RNF157: variants seen among roughly 807,000 people sequenced by gnomAD.
RNF157 encodes ring finger protein 157, also known as E3 ubiquitin ligase RNF157.
Under a neutral mutation model 88.3 loss-of-function variants are expected in RNF157, and 55 were observed. That is an observed-to-expected ratio of 0.62 (90% CI 0.50 to 0.78). The LOEUF is 0.78. RNF157 is among the 30% of genes least tolerant of loss of function. The probability of loss-of-function intolerance (pLI) is 0.00; values close to 1 mark genes in which losing one functional copy is unlikely to be tolerated. For missense variants in RNF157, 788 were observed against 860.8 expected (o/e 0.92, Z 1.06); for synonymous variants, 334 against 341.2 (o/e 0.98, Z 0.23).
At chr17:76,228,741 G>C (rs1460908801) in intron 1 of RNF157, among the ~76,000 whole-genome samples, 1 of 151,768 alleles carries the variant, frequency 6.6e-6, no homozygotes, top group Non-Finnish European at 1.5e-5. Context: ...TGGCCAACAT[G>C]GTGAAACCCC....
At chr17:76,234,488 A>G (rs2070248446) in intron 1 of RNF157, among the ~76,000 whole-genome samples, 1 of 152,190 alleles carries the variant, frequency 6.6e-6, no homozygotes, top group Admixed American at 6.6e-5. Flanking sequence ...TCACACCGGC[A>G]GGGTATGAGG....
In RNF157 at chr17:76,152,093, T is replaced by G. The variant is rs529717170; in HGVS notation, c.1921+262A>C. Among the ~76,000 whole-genome samples the G allele has an allele frequency of 2.6e-5, 4 of 151,750 alleles. No individual in the cohort carries two copies. The South Asian group carries it at 8.3e-4, about 32-fold the overall frequency. On this transcript the variant is annotated intron_variant, in intron 18 of 18. Coordinates refer to ENST00000269391, the MANE Select transcript of RNF157 (RefSeq NM_052916.3). ...CAAGGCCGTGATGTGGGGTGGAGAGTGGTTAGGCCAAATCGTTAAGTTTTG... is the reference window on the plus strand; with the variant it reads ...CAAGGCCGTGATGTGGGGTGGAGAGGGGTTAGGCCAAATCGTTAAGTTTTG...
intron 11 of RNF157, 37 bp from the exon 12 acceptor site, chr17:76,159,610 G>A (rs1284989341): frequency 6.9e-7 from 1 of 1,445,416 alleles, no homozygotes; most frequent in Admixed American, 1.8e-5. Context: ...AATTAATTAG[G>A]TCCTTTTTGT....
chr17:76,182,263 C>T (rs995077288), intron 2 of RNF157, among the ~76,000 whole-genome samples: 3 of 152,194 alleles, frequency 2.0e-5, no homozygotes, highest in Non-Finnish European at 4.4e-5. Flanking sequence ...CTGACGAAGG[C>T]TCTGTGTGTT....
rs1389756008 is a variant in RNF157 at position 76,167,122 on chromosome 17, T to C, written c.448A>G (p.Ile150Val). The change falls in exon 5 of 19, where the codon ATT becomes GTT. Residue 150 changes from isoleucine (I) to valine (V), a missense_variant. By Grantham distance (29) the Ile-to-Val change is conservative (BLOSUM62 3). Coordinates refer to ENST00000269391, the MANE Select transcript of RNF157 (RefSeq NM_052916.3). ...GACTGGAGGCTGTTGTCTTTGGGAA[T>C]GTAGCTATTGATACAAGTGGGAGGC... ...EEFQNGIASY[I>V]PKDNSLQSET... The C allele has an allele frequency of 1.9e-6, 3 of 1,611,448 alleles. No individual in the cohort carries two copies. Among genetic ancestry groups the C allele is most frequent in the South Asian group, 1.1e-5 (1 of 90,726 alleles).
chr17:76,226,370 T>C lies in RNF157; in HGVS notation c.88+13783A>G, dbSNP rs2070085299. ...AACCTGGTCGGGTTTTGTTAAACTT[T>C]CTGGGAGATGGCCAATTGGGTTCAC... On this transcript the variant is annotated intron_variant, in intron 1 of 18. Coordinates refer to ENST00000269391, the MANE Select transcript of RNF157 (RefSeq NM_052916.3). The C allele has an allele frequency of 2.5e-6, 4 of 1,595,758 alleles. No individual in the cohort carries two copies. The Admixed American group carries it at 6.7e-5, about 27-fold the overall frequency.
chr17:76,174,073 T>TAA (rs777601995), intron 2 of RNF157, among the ~76,000 whole-genome samples: 9 of 147,436 alleles, frequency 6.1e-5, no homozygotes, highest in African/African-American at 2.0e-4. Context: ...GGAGAATTAA[T>TAA]AATAAAAAAA....
intron 13 of RNF157, chr17:76,156,532 C>T (rs2068767548): frequency 1.0e-6 from 1 of 985,286 alleles, no homozygotes; most frequent in African/African-American, 1.7e-5. Flanking sequence ...GCGCACACTT[C>T]AGTCAACACC....
chr17:76,146,008 A>T lies in RNF157; in HGVS notation c.1922-655T>A, dbSNP rs917175880. Among the ~76,000 whole-genome samples the T allele has an allele frequency of 2.6e-5, 4 of 152,210 alleles. No homozygotes were observed. Among genetic ancestry groups the T allele is most frequent in the Non-Finnish European group, 5.9e-5 (4 of 68,034 alleles). On this transcript the variant is annotated intron_variant, in intron 18 of 18. Coordinates refer to ENST00000269391, the MANE Select transcript of RNF157 (RefSeq NM_052916.3). This position sits in a 1 kb window ranked among gnomAD's most constrained non-coding sequence, Gnocchi z 4.2. ...CAGCCCAAGAGCCTCGGGGTCCCAC[A>T]GATACCATCACTAAACGCATCCGCT...
At position 76,190,880 on chromosome 17, in the gene RNF157, C is replaced by A. The variant is rs2069374287; in HGVS notation, c.208-17090G>T. Among the ~76,000 whole-genome samples, 2 of 151,520 alleles carry A rather than the reference C, an allele frequency of 1.3e-5. 1 individual carries two copies. Among genetic ancestry groups the A allele is most frequent in the South Asian group, 4.2e-4 (2 of 4,796 alleles). ...CCGAGATCGTGCCACTGCACTCCAG[C>A]CTGGGCGACAGGGCGAGACTCTGTC... On this transcript the variant is annotated intron_variant, in intron 2 of 18. Coordinates refer to ENST00000269391, the MANE Select transcript of RNF157 (RefSeq NM_052916.3).
At chr17:76,186,874 A>G (rs2069299373) in intron 2 of RNF157, among the ~76,000 whole-genome samples, 1 of 151,960 alleles carries the variant, frequency 6.6e-6, no homozygotes, top group South Asian at 2.1e-4. Context: ...CAGGAGGCAG[A>G]GGTTGCAGTG....
In RNF157 at chr17:76,155,148, C is replaced by T. The variant is rs545400083; in HGVS notation, c.1764+104G>A. ...CTAGGCATGTCCCCTAGGAAGGCTT[C>T]GTCAGCGCAGCCTCCTGGCCCTGGT... On this transcript the variant is annotated intron_variant, in intron 16 of 18. Coordinates refer to ENST00000269391, the MANE Select transcript of RNF157 (RefSeq NM_052916.3). 603 of 958,560 alleles carry T rather than the reference C, an allele frequency of 6.3e-4. 2 individuals carry two copies. Among genetic ancestry groups the T allele is most frequent in the Non-Finnish European group, 8.5e-4 (511 of 601,356 alleles). 59.4% of individuals were successfully genotyped at this position (958,560 alleles called of 1,614,324 possible).
chr17:76,190,166 C>G (rs1395509704), intron 2 of RNF157, among the ~76,000 whole-genome samples: 1 of 114,030 alleles, frequency 8.8e-6, no homozygotes, highest in Non-Finnish European at 2.2e-5. Context: ...ACTGCTTGCT[C>G]TCTCTTTTTT....
chr17:76,185,475 C>CTTTT (rs71161271), intron 2 of RNF157, among the ~76,000 whole-genome samples: 30 of 141,910 alleles, frequency 2.1e-4, no homozygotes, highest in South Asian at 8.8e-4. Flanking sequence ...TTAGTCCTTT[C>CTTTT]TTTTTTTTTT....
intron 2 of RNF157, among the ~76,000 whole-genome samples, chr17:76,182,965 T>C (rs761098496): frequency 2.0e-4 from 30 of 151,910 alleles, no homozygotes; most frequent in Non-Finnish European, 2.9e-4. Flanking sequence ...TTTTCGCTCT[T>C]GTTGCCCTGG....
chr17:76,200,028 G>A (rs1301134227), intron 2 of RNF157, among the ~76,000 whole-genome samples: 6 of 151,952 alleles, frequency 3.9e-5, no homozygotes, highest in Non-Finnish European at 7.4e-5. Flanking sequence ...ACGAGGTCAG[G>A]AGATCGAGAC....
intron 1 of RNF157, among the ~76,000 whole-genome samples, chr17:76,238,650 A>G (rs886336878): frequency 1.2e-4 from 18 of 152,220 alleles, no homozygotes; most frequent in Admixed American, 5.2e-4. Flanking sequence ...AGTATGCTCC[A>G]TATTTTGATC....
In RNF157 at chr17:76,176,964, G is replaced by A. The variant is rs1188337510; in HGVS notation, c.208-3174C>T. ...GGTTCTGCGCAGCCCGTCTGGGGCT[G>A]CGCCCCCAGGTCTGCCCCACATTGG... On this transcript the variant is annotated intron_variant, in intron 2 of 18. Coordinates refer to ENST00000269391, the MANE Select transcript of RNF157 (RefSeq NM_052916.3). The surrounding 1 kb of genome is among the most constrained non-coding windows in gnomAD (Gnocchi z 4.2). 6.6e-6 allele frequency among the ~76,000 whole-genome samples: 1 copy of A among 151,990 alleles called. No homozygotes were observed.
chr17:76,180,263 C>T (rs560158870), intron 2 of RNF157, among the ~76,000 whole-genome samples: 1 of 152,262 alleles, frequency 6.6e-6, no homozygotes, highest in African/African-American at 2.4e-5. Flanking sequence ...ATAATGAAAA[C>T]AGGCCTCAGA....
Sources: gnomAD v4.1 joint callset for allele counts (sites outside exome capture counted in the v4.1 genomes callset) on GRCh38, gnomAD v4.1.1 for gene constraint, Gnocchi (gnomAD v3.1) non-coding constraint, MANE v1.5 for transcripts, NCBI Gene and HGNC (gene_info 2026-07-23, HGNC 2026-07-21) for gene names.